SNX19: variants seen among roughly 807,000 people sequenced by gnomAD.
SNX19 encodes sorting nexin 19.
Under a neutral mutation model 85.2 loss-of-function variants are expected in SNX19, and 60 were observed. The ratio of observed to expected loss-of-function variants is 0.70; its 90% CI spans 0.57 to 0.87. SNX19 has a LOEUF of 0.87. Ranked by LOEUF, SNX19 falls within the 40% of genes least tolerant of loss-of-function variation. The probability of loss-of-function intolerance (pLI) is 0.00; values close to 1 mark genes in which losing one functional copy is unlikely to be tolerated. For missense variants in SNX19, 1,201 were observed against 1,217.8 expected, an observed-to-expected ratio of 0.99 and a Z score of 0.21; for synonymous variants, 520 against 470.0, an observed-to-expected ratio of 1.11 and a Z score of -1.38.
intron 8 of SNX19, among the ~76,000 whole-genome samples, chr11:130,899,366 C>A (rs1246250218): frequency 6.6e-6 from 1 of 152,160 alleles, no homozygotes; most frequent in African/African-American, 2.4e-5. Flanking sequence ...GTGGAAGAAC[C>A]GGTTCTTTCT....
rs1362227094 is a variant in SNX19 at position 130,870,122 on chromosome 11, C to T, written c.*8300G>A. On this transcript the variant is annotated 3_prime_UTR_variant, in exon 11 of 11. Coordinates refer to ENST00000265909, the MANE Select transcript of SNX19 (RefSeq NM_014758.3). Reference sequence around the variant, plus strand: ...CACTTGGGAAAAATCCACAGAAATCCTAATCCTATTAAAAACTTAGGTCAT... The same window carrying T: ...CACTTGGGAAAAATCCACAGAAATCTTAATCCTATTAAAAACTTAGGTCAT... 6.6e-6 allele frequency: 1 copy of T among 152,114 alleles called. No individual in the cohort carries two copies. The highest frequency in any genetic ancestry group is 2.4e-5 in the African/African-American group (1 of 41,408). The allele number at this position is 152,114 out of a possible 1,614,324, so 9.4% of individuals were successfully genotyped here.
chr11:130,905,918 C>T (rs756600598), intron 7 of SNX19, 35 bp downstream of exon 7: 6 of 1,614,150 alleles, frequency 3.7e-6, no homozygotes, highest in Non-Finnish European at 5.1e-6. Context: ...CACCCTGGCT[C>T]CCTTCTCCAT....
At chr11:130,910,521 C>A in intron 2 of SNX19, 151 bp from the exon 3 acceptor site, 1 of 636,786 alleles carries the variant, frequency 1.6e-6, no homozygotes, top group Non-Finnish European at 2.7e-6. Flanking sequence ...ACATACGATC[C>A]ATATGATCCA....
At chr11:130,881,664 ACTAACAAGGGCCTCTTCTCGC>A (rs1175721591) in intron 8 of SNX19, among the ~76,000 whole-genome samples, 1 of 152,140 alleles carries the variant, frequency 6.6e-6, no homozygotes, top group African/African-American at 2.4e-5. Flanking sequence ...TAGTTCTCTC[ACTAACAAGGGCCTCTTCTCGC>A]CTTGCCTGAA....
rs992089251 is a variant in SNX19, at chr11:130,872,166, A to G, written c.*6256T>C. ...CTGTTGAAGAGACATCAAAGCCAGGAGTAATTCTCTGCATCCTGTCACATG... is the reference window on the plus strand; with the variant it reads ...CTGTTGAAGAGACATCAAAGCCAGGGGTAATTCTCTGCATCCTGTCACATG... On this transcript the variant is annotated 3_prime_UTR_variant, in exon 11 of 11. Coordinates refer to ENST00000265909, the MANE Select transcript of SNX19 (RefSeq NM_014758.3). 6.6e-6 allele frequency among the ~76,000 whole-genome samples: 1 copy of G among 152,184 alleles called. No homozygotes were observed. The highest frequency in any genetic ancestry group is 1.5e-5 in the Non-Finnish European group (1 of 68,028).
rs1357040869 is a variant in SNX19, at chr11:130,876,697, A to G, written c.*1725T>C. ...TAGCCCTCACTGAAGGAGCTTAATGATCAGCTCTAATACATTGGCTGGACT... is the reference window on the plus strand; with the variant it reads ...TAGCCCTCACTGAAGGAGCTTAATGGTCAGCTCTAATACATTGGCTGGACT... On this transcript the variant is annotated 3_prime_UTR_variant, in exon 11 of 11. Coordinates refer to ENST00000265909, the MANE Select transcript of SNX19 (RefSeq NM_014758.3). The G allele has an allele frequency of 6.6e-6, 1 of 152,646 alleles. No individual in the cohort carries two copies. Among genetic ancestry groups the G allele is most frequent in the African/African-American group, 2.4e-5 (1 of 41,460 alleles). 9.5% of individuals were successfully genotyped at this position (152,646 alleles called of 1,614,324 possible). A position where few individuals can be genotyped will look rare whatever the true frequency, so the allele number is the denominator to read the frequency against.
rs1385363922 is a variant in SNX19, at chr11:130,867,046, T to G, written c.*11376A>C. On this transcript the variant is annotated 3_prime_UTR_variant, in exon 11 of 11. Transcript: ENST00000265909. ...CCTTTCCTAAGGCCAGACAGCTAAC[T>G]ACTGACAGAGCTGGAATTCTGCCTG... 3.3e-5 allele frequency: 5 copies of G among 152,228 alleles called. No individual in the cohort carries two copies. Among genetic ancestry groups the G allele is most frequent in the African/African-American group, 1.2e-4 (5 of 41,460 alleles). The allele number at this position is 152,228 out of a possible 1,614,324, so 9.4% of individuals were successfully genotyped here. A position where few individuals can be genotyped will look rare whatever the true frequency, so the allele number is the denominator to read the frequency against.
chr11:130,889,500 TTTAC>T (rs1403826002), intron 8 of SNX19, among the ~76,000 whole-genome samples: 3 of 145,322 alleles, frequency 2.1e-5, no homozygotes, highest in Non-Finnish European at 3.1e-5. Flanking sequence ...CAATCAAATA[TTTAC>T]TGAATGAATC....
In SNX19 at chr11:130,878,256, C is replaced by A; in HGVS notation, c.*166G>T. ...TGCATACAACTGGGACACACAGACC[C>A]CTGTCACCTGCTACAAATGGAGCAG... On this transcript the variant is annotated 3_prime_UTR_variant, in exon 11 of 11. Coordinates refer to ENST00000265909, the MANE Select transcript of SNX19 (RefSeq NM_014758.3). 1.5e-6 allele frequency: 1 copy of A among 673,154 alleles called. No homozygotes were observed. Among genetic ancestry groups the A allele is most frequent in the East Asian group, 2.6e-5 (1 of 38,276 alleles). The allele number at this position is 673,154 out of a possible 1,614,324, so 41.7% of individuals were successfully genotyped here.
chr11:130,867,593 T>C lies in SNX19; in HGVS notation c.*10829A>G, dbSNP rs1334885333. 1 of 152,222 alleles carries C rather than the reference T, an allele frequency of 6.6e-6. No individual in the cohort carries two copies. Among genetic ancestry groups the C allele is most frequent in the Non-Finnish European group, 1.5e-5 (1 of 68,042 alleles). The allele number at this position is 152,222 out of a possible 1,614,324, so 9.4% of individuals were successfully genotyped here. A position where few individuals can be genotyped will look rare whatever the true frequency, so the allele number is the denominator to read the frequency against. On this transcript the variant is annotated 3_prime_UTR_variant, in exon 11 of 11. Transcript: ENST00000265909. ...GCCTAGAGAAAGTGAAGTATATTCC[T>C]TTCAAGAAGAGAATCCCCGGGTTTC... is the stretch of plus-strand genomic sequence containing the variant.
intron 7 of SNX19, 66 bp downstream of exon 7, chr11:130,905,887 C>T (rs1865298): frequency 0.74 from 1,192,924 of 1,612,244 alleles, 443,629 homozygotes; most frequent in African/African-American, 0.89. Context: ...ACTCCAACTA[C>T]CCCAAGTACC....
At chr11:130,894,388 C>T (rs1438580901) in intron 8 of SNX19, among the ~76,000 whole-genome samples, 3 of 152,092 alleles carry the variant, frequency 2.0e-5, no homozygotes, top group Non-Finnish European at 2.9e-5. Flanking sequence ...CGCATTAGAG[C>T]AGAAGGAAGA....
intron 8 of SNX19, among the ~76,000 whole-genome samples, chr11:130,902,138 C>A (rs1945300421): frequency 6.6e-6 from 1 of 152,198 alleles, no homozygotes; most frequent in Non-Finnish European, 1.5e-5. Context: ...CTAATGACGA[C>A]CTTGGGCATG....
intron 5 of SNX19, among the ~76,000 whole-genome samples, chr11:130,907,256 G>C (rs186809087): frequency 1.3e-4 from 20 of 152,248 alleles, no homozygotes; most frequent in Admixed American, 1.2e-3. Flanking sequence ...TCAATATATG[G>C]GCCCAGTTAA....
rs745627998 is a variant in SNX19, at chr11:130,914,945, CCTT to C, written c.992_994del (p.Glu331del). The C allele has an allele frequency of 1.9e-3, 3,139 of 1,614,182 alleles. 9 individuals carry two copies. The highest frequency in any genetic ancestry group is 2.4e-3 in the Non-Finnish European group (2,891 of 1,180,026). On this transcript the variant is annotated inframe_deletion, in exon 1 of 11. Coordinates refer to ENST00000265909, the MANE Select transcript of SNX19 (RefSeq NM_014758.3). ...CAAATCTCCCTCTACAGCTTCGTGGCCTTCTTCAACCTCTGGAGAGGGGCCTGC... is the reference window on the plus strand; with the variant it reads ...CAAATCTCCCTCTACAGCTTCGTGGCCTTCAACCTCTGGAGAGGGGCCTGC...
chr11:130,892,682 A>C (rs1333060462), intron 8 of SNX19: 1 of 152,218 alleles, frequency 6.6e-6, no homozygotes, highest in Non-Finnish European at 1.5e-5. Flanking sequence ...ACGAGGCCTC[A>C]GGGGGTTTTG....
intron 4 of SNX19, among the ~76,000 whole-genome samples, chr11:130,908,983 C>A (rs180784911): frequency 1.5e-3 from 229 of 152,282 alleles, no homozygotes; most frequent in Admixed American, 3.5e-3. Flanking sequence ...GAGTGGTCAG[C>A]AGACTACAGT....
chr11:130,912,221 T>C (rs530944265), intron 1 of SNX19, among the ~76,000 whole-genome samples: 1 of 152,234 alleles, frequency 6.6e-6, no homozygotes, highest in Non-Finnish European at 1.5e-5. Flanking sequence ...ATATAAATCA[T>C]TTGTTTATCT....
intron 9 of SNX19, among the ~76,000 whole-genome samples, chr11:130,880,124 AACCTTCTC>A (rs1457379860): frequency 1.3e-5 from 2 of 152,232 alleles, no homozygotes; most frequent in East Asian, 3.8e-4. Context: ...AAGGAAAAAC[AACCTTCTC>A]AGATTTTGTT....
Sources: allele counts gnomAD v4.1 joint callset (sites outside exome capture counted in the v4.1 genomes callset), GRCh38; gene constraint gnomAD v4.1.1; transcripts MANE v1.5; gene names NCBI Gene and HGNC (gene_info 2026-07-23, HGNC 2026-07-21).